Variants in ERI3 observed in about 807,000 individuals in gnomAD.
ERI3 encodes ERI1 exoribonuclease 3.
ERI3 carries 18 observed loss-of-function variants against 44.4 expected under a neutral mutation model. The ratio of observed to expected loss-of-function variants is 0.41; its 90% CI spans 0.28 to 0.60. ERI3 has a LOEUF of 0.60. Ranked by LOEUF, ERI3 falls within the 20% of genes least tolerant of loss-of-function variation. The probability of loss-of-function intolerance (pLI) is 0.36; values close to 1 mark genes in which losing one functional copy is unlikely to be tolerated. For missense variants in ERI3, 294 were observed against 435.5 expected, an observed-to-expected ratio of 0.68 and a Z score of 2.89; for synonymous variants, 183 against 164.8, an observed-to-expected ratio of 1.11 and a Z score of -0.84.
At chr1:44,261,689 A>C (rs1368174300) in intron 7 of ERI3, among the ~76,000 whole-genome samples, 3 of 152,224 alleles carry the variant, frequency 2.0e-5, no homozygotes, top group African/African-American at 7.2e-5. Flanking sequence ...GCTCGTTAAC[A>C]GCTCCTTCCT....
At chr1:44,352,226 C>T (rs1411362103) in intron 2 of ERI3, among the ~76,000 whole-genome samples, 1 of 152,176 alleles carries the variant, frequency 6.6e-6, no homozygotes, top group Non-Finnish European at 1.5e-5. Context: ...AACCACCCAC[C>T]AAAAGGTGAC....
intron 2 of ERI3, among the ~76,000 whole-genome samples, chr1:44,344,460 T>C (rs1012798050): frequency 2.6e-5 from 4 of 152,056 alleles, no homozygotes; most frequent in African/African-American, 9.7e-5. Context: ...CAGCCGAGTT[T>C]CCATCAGAAG....
chr1:44,295,265 A>T (rs774298191), intron 6 of ERI3, among the ~76,000 whole-genome samples: 1 of 152,144 alleles, frequency 6.6e-6, no homozygotes, highest in Non-Finnish European at 1.5e-5. Context: ...TTGGGCTTTA[A>T]AATTCTGTTC....
At chr1:44,258,865 G>A (rs538974398) in intron 7 of ERI3, among the ~76,000 whole-genome samples, 1 of 152,130 alleles carries the variant, frequency 6.6e-6, no homozygotes, top group East Asian at 1.9e-4. Flanking sequence ...ATGTTTGGAG[G>A]GAAAAAAAGG....
At chr1:44,255,762 A>G (rs1253869619) in intron 7 of ERI3, among the ~76,000 whole-genome samples, 1 of 152,170 alleles carries the variant, frequency 6.6e-6, no homozygotes, top group Non-Finnish European at 1.5e-5. Context: ...TACCTGGTCT[A>G]CCAGGCCAGA....
At chr1:44,254,048 T>C (rs959740429) in intron 7 of ERI3, among the ~76,000 whole-genome samples, 4 of 152,232 alleles carry the variant, frequency 2.6e-5, no homozygotes, top group Non-Finnish European at 5.9e-5. Context: ...AACTCACTCC[T>C]GGATATACTC....
At chr1:44,260,839 T>C (rs1644879402) in intron 7 of ERI3, among the ~76,000 whole-genome samples, 1 of 144,990 alleles carries the variant, frequency 6.9e-6, no homozygotes, top group Non-Finnish European at 1.5e-5. Flanking sequence ...CTCCAAATCC[T>C]GTCTGCTAGG....
chr1:44,322,904 AACCCCAAC>A, intron 3 of ERI3: 1 of 1,528,698 alleles, frequency 6.5e-7, no homozygotes, highest in Non-Finnish European at 8.8e-7. Flanking sequence ...TCAGAGATGG[AACCCCAAC>A]ACTACAGGTT....
At chr1:44,270,158 A>AAC (rs140058171) in intron 7 of ERI3, among the ~76,000 whole-genome samples, 6 of 151,934 alleles carry the variant, frequency 3.9e-5, no homozygotes, top group East Asian at 3.9e-4. Flanking sequence ...AAGGGGAAAA[A>AAC]ACACACACAC....
chr1:44,259,904 T>C (rs565921762), intron 7 of ERI3, among the ~76,000 whole-genome samples: 5 of 148,906 alleles, frequency 3.4e-5, no homozygotes, highest in African/African-American at 1.3e-4. Flanking sequence ...GATAGATAGA[T>C]AGATAGATAG....
intron 7 of ERI3, among the ~76,000 whole-genome samples, chr1:44,253,347 T>C (rs1644720517): frequency 6.6e-6 from 1 of 152,150 alleles, no homozygotes; most frequent in Non-Finnish European, 1.5e-5. Flanking sequence ...ATGACAGTAC[T>C]TTCCTCCAGG....
chr1:44,306,283 G>T (rs550647070), intron 6 of ERI3, among the ~76,000 whole-genome samples: 1 of 152,114 alleles, frequency 6.6e-6, no homozygotes, highest in African/African-American at 2.4e-5. Flanking sequence ...GAAACTACAC[G>T]GTCTTAGAAT....
At chr1:44,275,019 C>T (rs754894882) in intron 7 of ERI3, among the ~76,000 whole-genome samples, 9 of 152,184 alleles carry the variant, frequency 5.9e-5, no homozygotes, top group Non-Finnish European at 1.2e-4. Flanking sequence ...AAGACCGAGA[C>T]CACAGCCCCA....
chr1:44,293,883 G>A (rs916707798), intron 6 of ERI3, among the ~76,000 whole-genome samples: 2 of 152,272 alleles, frequency 1.3e-5, no homozygotes, highest in Admixed American at 6.5e-5. Flanking sequence ...GGCCTGGCAC[G>A]GGTCACGGCT....
intron 7 of ERI3, among the ~76,000 whole-genome samples, chr1:44,267,067 G>T (rs568614011): frequency 2.6e-5 from 4 of 152,318 alleles, no homozygotes; most frequent in African/African-American, 9.6e-5. Context: ...GCAAGCCATG[G>T]TGCTCTAGGA....
At position 44,342,830 on chromosome 1, in the gene ERI3, T is replaced by TATATATAA. The variant is rs1553201374; in HGVS notation, c.212-3509_212-3508insTTATATAT. On this transcript the variant is annotated intron_variant, in intron 2 of 8. Transcript: ENST00000372257. ...TCCAGCTAATATATATATATATATATATATATATATATATATATATATATA... is the reference window on the plus strand; with the variant it reads ...TCCAGCTAATATATATATATATATATATATATAAATATATATATATATATATATATATA... Among the ~76,000 whole-genome samples, 212 of 27,824 alleles carry TATATATAA rather than the reference T, an allele frequency of 7.6e-3. 4 individuals carry two copies. The highest frequency in any genetic ancestry group is 0.038 in the African/African-American group (209 of 5,432). The allele number at this position is 27,824 out of a possible 152,430, so 18.3% of individuals were successfully genotyped here.
intron 7 of ERI3, among the ~76,000 whole-genome samples, chr1:44,255,263 C>G (rs1258855432): frequency 6.6e-6 from 1 of 152,248 alleles, no homozygotes; most frequent in African/African-American, 2.4e-5. Context: ...TCCCTGCAGT[C>G]TGGTCAAGCT....
At chr1:44,278,395 T>C (rs1043721736) in intron 7 of ERI3, among the ~76,000 whole-genome samples, 1 of 150,848 alleles carries the variant, frequency 6.6e-6, no homozygotes, top group Non-Finnish European at 1.5e-5. Flanking sequence ...AAGAATCACT[T>C]GAACCCAGGA....
intron 7 of ERI3, among the ~76,000 whole-genome samples, chr1:44,249,696 C>A (rs1325006404): frequency 1.3e-5 from 2 of 152,144 alleles, no homozygotes; most frequent in Non-Finnish European, 2.9e-5. Flanking sequence ...GGAGAAGATG[C>A]TGGCCCAGAG....
Sources: allele counts gnomAD v4.1 joint callset (sites outside exome capture counted in the v4.1 genomes callset), GRCh38; gene constraint gnomAD v4.1.1; transcripts MANE v1.5; gene names NCBI Gene and HGNC (gene_info 2026-07-23, HGNC 2026-07-21).